Variants in MID1 observed in about 807,000 individuals in gnomAD.
MID1 encodes E3 ubiquitin-protein ligase Midline-1.
MID1 carries 7 observed loss-of-function variants against 40.4 expected under a neutral mutation model. The ratio of observed to expected loss-of-function variants is 0.17; its 90% CI spans 0.10 to 0.33. The LOEUF (loss-of-function observed/expected upper bound fraction) is 0.33, where lower values mean the gene tolerates loss of function less well. Ranked by LOEUF, MID1 falls within the 10% of genes least tolerant of loss-of-function variation. The pLI, the probability that MID1 is intolerant of heterozygous loss-of-function variation, is 1.00. For missense variants in MID1, 367 were observed against 558.5 expected, an observed-to-expected ratio of 0.66 and a Z score of 3.46; for synonymous variants, 229 against 221.2, an observed-to-expected ratio of 1.04 and a Z score of -0.31.
rs1602564111 is a variant in MID1, at chrX:10,765,475, G to A, written c.-187+68079C>T. 3.6e-5 allele frequency among the ~76,000 whole-genome samples: 4 copies of A among 112,417 alleles called. No homozygotes were observed. The Middle Eastern group carries it at 0.014, about 385-fold the overall frequency. On this transcript the variant is annotated intron_variant, in intron 1 of 10. Transcript: ENST00000380785. ...AGAAATGATTTATCATGTAGCATGC[G>A]ATTGATCAAGCCATGGGGTTTCCTT...
Position 10,548,467 on chromosome X carries a change from A to C in MID1, c.660+18421T>G, listed in dbSNP as rs1207745458. Among the ~76,000 whole-genome samples, 3 of 112,265 alleles carry C rather than the reference A, an allele frequency of 2.7e-5. No individual in the cohort carries two copies. In the East Asian group the frequency reaches 8.3e-4, roughly 31 times the overall value. On this transcript the variant is annotated intron_variant, in intron 2 of 9. Transcript: ENST00000317552. ...GAAATCATTGATTGAACACCATTTT[A>C]TAATCGTAAATAAGACAGTTTTGTT...
intron 1 of MID1, among the ~76,000 whole-genome samples, chrX:10,632,985 G>A (rs1936069068): frequency 9.0e-6 from 1 of 111,625 alleles, no homozygotes; most frequent in African/African-American, 3.3e-5. Context: ...CCAAGAAGCT[G>A]GCTCTGACTG....
At chrX:10,718,113 A>G (rs1195180268) in intron 1 of MID1, among the ~76,000 whole-genome samples, 2 of 111,898 alleles carry the variant, frequency 1.8e-5, no homozygotes, top group African/African-American at 6.5e-5. Context: ...TAAAATTGAC[A>G]CCCTAACATC....
chrX:10,602,225 C>CT (rs56897260), intron 1 of MID1, among the ~76,000 whole-genome samples: 1,618 of 83,517 alleles, frequency 0.019, 24 homozygotes, highest in African/African-American at 0.04. Flanking sequence ...TAGTTTCTGA[C>CT]TTTTTTTTTT....
intron 1 of MID1, among the ~76,000 whole-genome samples, chrX:10,730,587 T>C (rs1212917289): frequency 2.0e-5 from 2 of 99,648 alleles, no homozygotes; most frequent in South Asian, 4.8e-4. Context: ...TTTTTTTTTT[T>C]CTGAGACGGA....
At chrX:10,797,713 C>T (rs1049898785) in intron 1 of MID1, among the ~76,000 whole-genome samples, 3 of 111,794 alleles carry the variant, frequency 2.7e-5, no homozygotes, top group African/African-American at 9.8e-5. Context: ...TAAACATATA[C>T]ATGATAGATA....
chrX:10,566,543 CT>C (rs1288553883), intron 2 of MID1, among the ~76,000 whole-genome samples: 3 of 104,712 alleles, frequency 2.9e-5, no homozygotes, highest in African/African-American at 7.3e-5. Context: ...CTCTCTCTCT[CT>C]CTCTCTCTCT....
At chrX:10,576,567 T>G (rs1236728717) in intron 1 of MID1, among the ~76,000 whole-genome samples, 1 of 111,298 alleles carries the variant, frequency 9.0e-6, no homozygotes. Context: ...CAAAGACAAA[T>G]GGCAATGCAA....
chrX:10,814,596 T>A (rs1184101057), intron 1 of MID1, among the ~76,000 whole-genome samples: 1 of 109,483 alleles, frequency 9.1e-6, no homozygotes, highest in East Asian at 2.9e-4. Flanking sequence ...TGTGTGTGTG[T>A]GTGTGCGTGT....
At chrX:10,580,055 C>G (rs1464946716) in intron 1 of MID1, among the ~76,000 whole-genome samples, 1 of 110,393 alleles carries the variant, frequency 9.1e-6, no homozygotes, top group East Asian at 2.8e-4. Flanking sequence ...TGTAGTTTCT[C>G]CAGGTGGCAC....
chrX:10,622,875 G>T (rs1935949636), upstream of MID1, among the ~76,000 whole-genome samples: 1 of 111,163 alleles, frequency 9.0e-6, no homozygotes, highest in East Asian at 2.8e-4. Context: ...TAAACAAATG[G>T]AAATGTTTAA....
rs180977706 is a variant in MID1 at position 10,494,448 on chromosome X, C to T, written c.864+1136G>A. Among the ~76,000 whole-genome samples, 654 of 110,809 alleles carry T rather than the reference C, an allele frequency of 5.9e-3. 4 individuals are homozygous for T. Among genetic ancestry groups the T allele is most frequent in the African/African-American group, 0.021 (635 of 30,514 alleles). On this transcript the variant is annotated intron_variant, in intron 4 of 9. Transcript: ENST00000317552. Reference sequence around the variant, plus strand: ...ATGAATTTATTGGATCATAAATAAACGCTTCTATTTTTAAAAATCCATAGA... The same window carrying T: ...ATGAATTTATTGGATCATAAATAAATGCTTCTATTTTTAAAAATCCATAGA...
At chrX:10,477,808 A>G (rs1033371297) in intron 5 of MID1, among the ~76,000 whole-genome samples, 6 of 112,359 alleles carry the variant, frequency 5.3e-5, no homozygotes, top group African/African-American at 1.9e-4. Flanking sequence ...TCACAGTAAC[A>G]AGATAGGTTT....
chrX:10,757,226 T>C (rs1347423833), intron 1 of MID1, among the ~76,000 whole-genome samples: 1 of 112,482 alleles, frequency 8.9e-6, no homozygotes, highest in East Asian at 2.8e-4. Context: ...AGGATCACAC[T>C]TGGATCCAAC....
At chrX:10,566,516 TCTCTCCCTCTCTCTCC>T (rs1934545440) in intron 2 of MID1, among the ~76,000 whole-genome samples, 3 of 89,749 alleles carry the variant, frequency 3.3e-5, no homozygotes, top group African/African-American at 1.7e-4. Context: ...TCTCTCCCTC[TCTCTCCCTCTCTCTCC>T]CTCTCTCTCT....
At chrX:10,664,878 A>G (rs1214652785) in intron 1 of MID1, among the ~76,000 whole-genome samples, 6 of 112,397 alleles carry the variant, frequency 5.3e-5, no homozygotes, top group African/African-American at 1.9e-4. Context: ...GCCATCAGAA[A>G]TTAGAATGGG....
chrX:10,621,871 A>G (rs1479379419), upstream of MID1, among the ~76,000 whole-genome samples: 1 of 106,369 alleles, frequency 9.4e-6, no homozygotes, highest in African/African-American at 3.5e-5. Context: ...CATTTTGGGC[A>G]GGATAATTCT....
At chrX:10,776,111 CA>C (rs750809147) in intron 1 of MID1, among the ~76,000 whole-genome samples, 1 of 112,155 alleles carries the variant, frequency 8.9e-6, no homozygotes, top group Non-Finnish European at 1.9e-5. Context: ...TTGTTCAAAG[CA>C]AAATCATAAC....
At chrX:10,597,273 C>T (rs1935430969) in intron 1 of MID1, among the ~76,000 whole-genome samples, 1 of 111,383 alleles carries the variant, frequency 9.0e-6, no homozygotes, top group Non-Finnish European at 1.9e-5. Flanking sequence ...TCAGACTTTA[C>T]GTTTTGTTTT....
Sources: gnomAD v4.1 joint callset for allele counts (sites outside exome capture counted in the v4.1 genomes callset) on GRCh38, gnomAD v4.1.1 for gene constraint, MANE v1.5 for transcripts, NCBI Gene and HGNC (gene_info 2026-07-23, HGNC 2026-07-21) for gene names.